SLC6A4: variants seen among roughly 807,000 people sequenced by gnomAD.
SLC6A4 encodes solute carrier family 6 member 4, also known as sodium-dependent serotonin transporter.
SLC6A4 carries 22 observed loss-of-function variants against 73.4 expected under a neutral mutation model. The ratio of observed to expected loss-of-function variants is 0.30; its 90% CI spans 0.21 to 0.43. The LOEUF (loss-of-function observed/expected upper bound fraction) is 0.43. SLC6A4 is among the 20% of genes least tolerant of loss of function. The probability of loss-of-function intolerance (pLI) is 1.00; values close to 1 mark genes in which losing one functional copy is unlikely to be tolerated. For missense variants in SLC6A4, 593 were observed against 808.5 expected (o/e 0.73, Z 3.23); for synonymous variants, 270 against 315.5 (o/e 0.86, Z 1.53).
intron 1 of SLC6A4, among the ~76,000 whole-genome samples, chr17:30,226,506 C>T (rs908315720): frequency 9.9e-5 from 15 of 152,194 alleles, no homozygotes; most frequent in African/African-American, 3.1e-4. Flanking sequence ...TTGAGACCAG[C>T]GTGGCCAGCA....
In SLC6A4 at chr17:30,218,325, G is replaced by C. The variant is rs757512580; in HGVS notation, c.491C>G (p.Ala164Gly). Reference sequence around the variant, plus strand: ...AATGTAAAAGGCAATGATGCAGATGGCATAACCAATCCCTGGGCAGTGGGT... The same window carrying C: ...AATGTAAAAGGCAATGATGCAGATGCCATAACCAATCCCTGGGCAGTGGGT... ...ICPIFKGIGY[A>G]ICIIAFYIAS... is the part of the protein sequence containing the mutation. Residue 164 changes from alanine to glycine, a missense_variant, in exon 5 of 15, where the codon GCC (alanine) becomes GGC (glycine). Physicochemically the swap from Ala to Gly is moderately conservative, Grantham distance 60. Coordinates refer to ENST00000650711, the MANE Select transcript of SLC6A4 (RefSeq NM_001045.6). 26 of 1,613,344 alleles carry C rather than the reference G, an allele frequency of 1.6e-5. No individual in the cohort carries two copies. In the South Asian group the frequency reaches 2.9e-4, roughly 18 times the overall value.
At position 30,198,513 on chromosome 17, in the gene SLC6A4, A is replaced by G. The variant is rs1303437689; in HGVS notation, c.1836T>C (p.Ile612=). The G allele has an allele frequency of 3.1e-6, 5 of 1,589,780 alleles. No individual in the cohort carries two copies. In the Admixed American group the frequency reaches 8.4e-5, roughly 27 times the overall value. Residue 612 remains isoleucine, a synonymous_variant, in exon 15 of 15, where the codon ATT becomes ATC. Coordinates refer to ENST00000650711, the MANE Select transcript of SLC6A4 (RefSeq NM_001045.6). ...GAATTTCTGTTGGTGTTTCTGGGGT[A>G]ATACTTTTAATAATACGCTATTGGG... ...GTFKERIIKS[I]TPETPTEIPC...
intron 8 of SLC6A4, among the ~76,000 whole-genome samples, chr17:30,215,013 TTTC>T (rs1197609300): frequency 9.0e-5 from 2 of 22,136 alleles, no homozygotes; most frequent in Non-Finnish European, 1.3e-4. Flanking sequence ...TCTTTCTTTC[TTTC>T]TTTCTTTTTT....
intron 2 of SLC6A4, 45 bp downstream of exon 2, chr17:30,222,774 T>C (rs1203108952): frequency 7.7e-7 from 1 of 1,302,520 alleles, no homozygotes; most frequent in Non-Finnish European, 1.0e-6. Context: ...GTTCCCATTA[T>C]GCATTTGCAA....
intron 13 of SLC6A4, among the ~76,000 whole-genome samples, chr17:30,204,085 A>G (rs1239344121): frequency 6.6e-6 from 1 of 152,170 alleles, no homozygotes; most frequent in Non-Finnish European, 1.5e-5. Context: ...TCACTTGAAC[A>G]CTCTGTGAGA....
At position 30,207,600 on chromosome 17, in the gene SLC6A4, G is replaced by T. The variant is rs550244068; in HGVS notation, c.1650+132C>A. 9.7e-4 allele frequency: 575 copies of T among 594,348 alleles called. 1 individual carries two copies. The highest frequency in any genetic ancestry group is 1.1e-3 in the Non-Finnish European group (377 of 335,128). 36.8% of individuals were successfully genotyped at this position (594,348 alleles called of 1,614,324 possible). A position where few individuals can be genotyped will look rare whatever the true frequency, so the allele number is the denominator to read the frequency against. On this transcript the variant is annotated intron_variant, in intron 13 of 14. Coordinates refer to ENST00000650711, the MANE Select transcript of SLC6A4 (RefSeq NM_001045.6). ...GAGACGGGGTTTTGCCATGTTGGCC[G>T]CCTGCCTCAGACTCCCAAAGTGTTG...
intron 8 of SLC6A4, 92 bp from the exon 9 acceptor site, chr17:30,212,959 G>A: frequency 7.1e-7 from 1 of 1,402,330 alleles, no homozygotes; most frequent in South Asian, 1.2e-5. Flanking sequence ...GCCTTAGACA[G>A]GGCGGCCACA....
chr17:30,218,384 G>T (rs529525180), intron 4 of SLC6A4, 47 bp from the exon 5 acceptor site: 2 of 1,487,982 alleles, frequency 1.3e-6, no homozygotes, highest in Non-Finnish European at 1.9e-6. Context: ...TTTAAGGGTG[G>T]CCCAACGGCA....
At chr17:30,209,027 G>A (rs1395930854) in intron 12 of SLC6A4, 116 bp downstream of exon 12, 20 of 673,590 alleles carry the variant, frequency 3.0e-5, no homozygotes, top group Admixed American at 1.9e-4. Context: ...ACCCATCATC[G>A]GGAGGTCACA....
intron 8 of SLC6A4, among the ~76,000 whole-genome samples, chr17:30,213,383 CCCTCTG>C (rs1280761616): frequency 6.8e-6 from 1 of 147,704 alleles, no homozygotes; most frequent in South Asian, 2.1e-4. Flanking sequence ...GCTCACTGTA[CCCTCTG>C]CCTCCCGGGT....
chr17:30,198,568 T>C (rs1456207144), intron 14 of SLC6A4, 38 bp from the exon 15 acceptor site: 4 of 1,243,270 alleles, frequency 3.2e-6, no homozygotes. Flanking sequence ...AACATCCTTG[T>C]AATTTTTAAA....
Position 30,221,623 on chromosome 17 carries a change from A to G in SLC6A4, c.336T>C (p.Asn112=). ...VWRFPYICYQ[N]GGGAFLLPYT... ...GCAGCCTGTGATACTGACCCCCTCC[A>G]TTCTGGTAACATATGTAGGGGAAGC... The change falls in exon 3 of 15, where the codon AAT becomes AAC. Residue 112 remains asparagine, a synonymous_variant. Coordinates refer to ENST00000650711, the MANE Select transcript of SLC6A4 (RefSeq NM_001045.6). The G allele has an allele frequency of 1.2e-6, 2 of 1,613,570 alleles. No homozygotes were observed. Among genetic ancestry groups the G allele is most frequent in the South Asian group, 1.1e-5 (1 of 91,036 alleles).
chr17:30,214,259 C>G (rs1446932025), intron 8 of SLC6A4, among the ~76,000 whole-genome samples: 1 of 151,562 alleles, frequency 6.6e-6, no homozygotes, highest in African/African-American at 2.4e-5. Context: ...CCCATCTCTA[C>G]TAAAAATACA....
rs1225691529 is a variant in SLC6A4, at chr17:30,215,707, A to G, written c.980T>C (p.Ile327Thr). Reference sequence around the variant, plus strand: ...GAAGAAGATCTGAGCGGCTGCATCTATCCACACCTGGAACACAGCAGGGGT... The same window carrying G: ...GAAGAAGATCTGAGCGGCTGCATCTGTCCACACCTGGAACACAGCAGGGGT... ...WQKLLETGVW[I>T]DAAAQIFFSL... The change falls in exon 8 of 15, where the codon ATA becomes ACA. Residue 327 changes from isoleucine (I) to threonine (T), a missense_variant. Transcript: ENST00000650711. 6.2e-7 allele frequency: 1 copy of G among 1,613,688 alleles called. No homozygotes were observed. Among genetic ancestry groups the G allele is most frequent in the Non-Finnish European group, 8.5e-7 (1 of 1,179,890 alleles).
Position 30,212,868 on chromosome 17 carries a change from C to A in SLC6A4, c.1077-1G>T. 6.2e-7 allele frequency: 1 copy of A among 1,614,068 alleles called. No homozygotes were observed. The highest frequency in any genetic ancestry group is 8.5e-7 in the Non-Finnish European group (1 of 1,179,994). On this transcript the variant is annotated splice_acceptor_variant, in intron 8 of 14. Transcript: ENST00000650711. LOFTEE classifies it high-confidence loss of function. ...CACCACGCTGGTCACCAGGGCATCTCTGGAGGGGAAAACCCAAGGGGCCGC... is the reference window on the plus strand; with the variant it reads ...CACCACGCTGGTCACCAGGGCATCTATGGAGGGGAAAACCCAAGGGGCCGC...
Position 30,201,270 on chromosome 17 carries a change from C to T in SLC6A4, c.1818+1902G>A, listed in dbSNP as rs562508341. Among the ~76,000 whole-genome samples, 3 of 152,302 alleles carry T rather than the reference C, an allele frequency of 2.0e-5. 1 individual carries two copies. Among genetic ancestry groups the T allele is most frequent in the Admixed American group, 2.0e-4 (3 of 15,302 alleles). On this transcript the variant is annotated intron_variant, in intron 14 of 14. Coordinates refer to ENST00000650711, the MANE Select transcript of SLC6A4 (RefSeq NM_001045.6). ...CAGATAAGATGAGTACCTGCCAGAG[C>T]CGACTAGGGCCTTTTCCATGGTCCT...
At chr17:30,214,437 A>AAAG (rs1555588547) in intron 8 of SLC6A4, among the ~76,000 whole-genome samples, 10 of 148,962 alleles carry the variant, frequency 6.7e-5, no homozygotes, top group African/African-American at 2.0e-4. Flanking sequence ...AAAAAAAAAA[A>AAAG]AAAAGAAAAG....
In SLC6A4 at chr17:30,209,145, T is replaced by C. The variant is rs1340180605; in HGVS notation, c.1547A>G (p.Tyr516Cys). 9 of 1,608,642 alleles carry C rather than the reference T, an allele frequency of 5.6e-6. No individual in the cohort carries two copies. The highest frequency in any genetic ancestry group is 2.7e-5 in the African/African-American group (2 of 74,754). Residue 516 changes from tyrosine (Y) to cysteine (C), a missense_variant and splice_region_variant, in exon 12 of 15, where the codon TAT becomes TGT. Tyr to Cys is a radical substitution (Grantham distance 194). Coordinates refer to ENST00000650711, the MANE Select transcript of SLC6A4 (RefSeq NM_001045.6). The stretch of plus-strand genomic sequence containing the variant: ...GCTGGCTGAAGGAAGCGTCTTACCA[T>C]AGAACCAAGACACAGCGACTGCTTC... ...LIEAVAVSWF[Y>C]GITQFCRDVK...
At chr17:30,233,136 T>C (rs1907164338) in intron 1 of SLC6A4, among the ~76,000 whole-genome samples, 1 of 152,190 alleles carries the variant, frequency 6.6e-6, no homozygotes, top group African/African-American at 2.4e-5. Context: ...CTGCCTCACT[T>C]GTCCCAAGTG....
Sources: allele counts gnomAD v4.1 joint callset (sites outside exome capture counted in the v4.1 genomes callset), GRCh38; gene constraint gnomAD v4.1.1; transcripts MANE v1.5; gene names NCBI Gene and HGNC (gene_info 2026-07-23, HGNC 2026-07-21).